NDST1: variants seen among roughly 807,000 people sequenced by gnomAD.
The protein encoded by NDST1 is N-deacetylase and N-sulfotransferase 1.
A neutral mutation model predicts 92.8 loss-of-function variants in NDST1; 35 were observed. The ratio of observed to expected loss-of-function variants is 0.38; its 90% confidence interval spans 0.29 to 0.50. The LOEUF (loss-of-function observed/expected upper bound fraction) is 0.50. NDST1 is among the 20% of genes least tolerant of loss of function. NDST1 has a pLI of 0.94. For synonymous variants in NDST1, 493 were observed against 500.3 expected (o/e 0.99, Z 0.19); for missense variants, 822 against 1,182.7 (o/e 0.69, Z 4.47).
rs1459633179 is a variant in NDST1 at position 150,552,006 on chromosome 5, G to A, written c.2529+151G>A. On this transcript the variant is annotated intron_variant, in intron 14 of 14. Coordinates refer to ENST00000261797, the MANE Select transcript of NDST1 (RefSeq NM_001543.5). Reference sequence around the variant, plus strand: ...AGTATTTGTAAGAGGAGGAAAATGGGGGCTGGGACATGGTGGGTCAGACCT... The same window carrying A: ...AGTATTTGTAAGAGGAGGAAAATGGAGGCTGGGACATGGTGGGTCAGACCT... 4 of 1,328,608 alleles carry A rather than the reference G, an allele frequency of 3.0e-6. No individual in the cohort carries two copies. The East Asian group carries it at 1.1e-4, about 37-fold the overall frequency. The allele number at this position is 1,328,608 out of a possible 1,614,324, so 82.3% of individuals were successfully genotyped here. A position where few individuals can be genotyped will look rare whatever the true frequency, so the allele number is the denominator to read the frequency against.
upstream of NDST1, among the ~76,000 whole-genome samples, chr5:150,505,054 G>A (rs1364923013): frequency 6.6e-6 from 1 of 152,184 alleles, no homozygotes; most frequent in Admixed American, 6.5e-5. Flanking sequence ...CTTTAATAAA[G>A]TTGGCATGTG....
upstream of NDST1, among the ~76,000 whole-genome samples, chr5:150,506,228 A>T (rs1038211447): frequency 6.6e-6 from 1 of 152,196 alleles, no homozygotes; most frequent in African/African-American, 2.4e-5. Flanking sequence ...CTCGCACCTC[A>T]GCCCTCCCAT....
intron 10 of NDST1, among the ~76,000 whole-genome samples, chr5:150,544,373 A>G (rs992764963): frequency 2.0e-5 from 3 of 152,220 alleles, no homozygotes; most frequent in Non-Finnish European, 2.9e-5. Context: ...AGCTTTCTCA[A>G]TTGAGATATT....
chr5:150,513,720 G>A (rs1388916611), intron 1 of NDST1, among the ~76,000 whole-genome samples: 3 of 152,160 alleles, frequency 2.0e-5, no homozygotes, highest in Non-Finnish European at 4.4e-5. Context: ...CTCATTCCTG[G>A]AGCCCACCCA....
intron 1 of NDST1, among the ~76,000 whole-genome samples, chr5:150,500,435 A>G (rs960864347): frequency 6.6e-6 from 1 of 152,162 alleles, no homozygotes; most frequent in African/African-American, 2.4e-5. Context: ...CCCCTGTGCC[A>G]ATGTTCTGGG....
rs1323394561 is a variant in NDST1 at position 150,555,927 on chromosome 5, T to A, written c.*2595T>A. On this transcript the variant is annotated 3_prime_UTR_variant, in exon 15 of 15. Coordinates refer to ENST00000261797, the MANE Select transcript of NDST1 (RefSeq NM_001543.5). ...CAAGTCTGTCTGCCTAGGTCACTGC[T>A]GCCACTTCTCCTCCCACTAACAGAC... 6.6e-6 allele frequency: 1 copy of A among 152,398 alleles called. No homozygotes were observed. Among genetic ancestry groups the A allele is most frequent in the Non-Finnish European group, 1.5e-5 (1 of 68,188 alleles). 9.4% of individuals were successfully genotyped at this position (152,398 alleles called of 1,614,324 possible). A position where few individuals can be genotyped will look rare whatever the true frequency, so the allele number is the denominator to read the frequency against.
chr5:150,516,978 TG>T (rs1165246964), intron 1 of NDST1, among the ~76,000 whole-genome samples: 44 of 35,020 alleles, frequency 1.3e-3, no homozygotes, highest in Non-Finnish European at 2.8e-3. Context: ...CATTTTCTAG[TG>T]TGTGTGTGTG....
At chr5:150,525,371 C>G (rs920933510) in intron 2 of NDST1, among the ~76,000 whole-genome samples, 1 of 152,214 alleles carries the variant, frequency 6.6e-6, no homozygotes, top group Admixed American at 6.5e-5. Context: ...GATCCCTCAG[C>G]ACCCGCGGTC....
chr5:150,505,208 T>C (rs1207132935), upstream of NDST1, among the ~76,000 whole-genome samples: 1 of 152,228 alleles, frequency 6.6e-6, no homozygotes, highest in East Asian at 1.9e-4. Flanking sequence ...CTGGTTCATC[T>C]GTGGAATGCT....
intron 1 of NDST1, among the ~76,000 whole-genome samples, chr5:150,514,670 A>G (rs1053512416): frequency 2.0e-5 from 3 of 152,108 alleles, no homozygotes; most frequent in African/African-American, 7.2e-5. Flanking sequence ...TATTGTAGGA[A>G]CCCTTGGGTT....
At chr5:150,532,256 TCTTA>T (rs1754777958) in intron 3 of NDST1, among the ~76,000 whole-genome samples, 1 of 152,226 alleles carries the variant, frequency 6.6e-6, no homozygotes, top group Non-Finnish European at 1.5e-5. Context: ...CATGCGGTTA[TCTTA>T]CTTGATTCTT....
At chr5:150,536,519 AT>A (rs376383456) in intron 6 of NDST1, among the ~76,000 whole-genome samples, 8 of 147,970 alleles carry the variant, frequency 5.4e-5, no homozygotes, top group African/African-American at 1.3e-4. Context: ...AAAAAAAAAA[AT>A]TTTTTTTTCC....
chr5:150,538,976 A>G lies in NDST1; in HGVS notation c.1438-252A>G, dbSNP rs543710100. 5.9e-5 allele frequency among the ~76,000 whole-genome samples: 9 copies of G among 152,366 alleles called. No homozygotes were observed. The South Asian group carries it at 1.7e-3, about 28-fold the overall frequency. ...GCAGCAGTCCCAAGTTTCCAGAAAC[A>G]TTCCCACTCTGTTACTTTGAGGCCT... is the stretch of plus-strand genomic sequence containing the variant. On this transcript the variant is annotated intron_variant, in intron 6 of 14. Coordinates refer to ENST00000261797, the MANE Select transcript of NDST1 (RefSeq NM_001543.5).
chr5:150,503,981 C>G (rs1310526579), upstream of NDST1, among the ~76,000 whole-genome samples: 1 of 152,164 alleles, frequency 6.6e-6, no homozygotes, highest in Admixed American at 6.5e-5. Context: ...CCTGGAGTGG[C>G]AGTCCACTGG....
chr5:150,506,003 A>G (rs926984420), upstream of NDST1, among the ~76,000 whole-genome samples: 2 of 152,108 alleles, frequency 1.3e-5, no homozygotes, highest in Non-Finnish European at 2.9e-5. Context: ...TACTTGCCTG[A>G]GGTCACAGGC....
At chr5:150,510,103 G>C (rs1753652748) in intron 1 of NDST1, among the ~76,000 whole-genome samples, 1 of 152,198 alleles carries the variant, frequency 6.6e-6, no homozygotes, top group Non-Finnish European at 1.5e-5. Context: ...CCTCTGCCCA[G>C]CTGTGTGACT....
chr5:150,506,761 G>T (rs986641813), upstream of NDST1, among the ~76,000 whole-genome samples: 1 of 151,930 alleles, frequency 6.6e-6, no homozygotes, highest in Non-Finnish European at 1.5e-5. Context: ...ACCCCAAGGC[G>T]TGTTGGTGGC....
In NDST1 at chr5:150,534,907, G is replaced by A. The variant is rs560999923; in HGVS notation, c.1137G>A (p.Ser379=). The change falls in exon 5 of 15, where the codon TCG becomes TCA. Residue 379 remains serine, a synonymous_variant. Coordinates refer to ENST00000261797, the MANE Select transcript of NDST1 (RefSeq NM_001543.5). The stretch of plus-strand genomic sequence containing the variant: ...ACGCTGGGGATGATCTGCTGCTGTC[G>A]TATGTGAAGGAGTTCTGGTGGTTCC... ...AEDAGDDLLL[S]YVKEFWWFPH... is the part of the protein sequence containing the mutation. 2.5e-5 allele frequency: 41 copies of A among 1,614,262 alleles called. No individual in the cohort carries two copies. The highest frequency in any genetic ancestry group is 1.1e-4 in the East Asian group (5 of 44,884).
At chr5:150,544,386 A>G (rs1755388549) in intron 10 of NDST1, among the ~76,000 whole-genome samples, 1 of 152,244 alleles carries the variant, frequency 6.6e-6, no homozygotes. Context: ...GAGATATTGT[A>G]AACAAAGGAT....
Sources: gnomAD v4.1 joint callset for allele counts (sites outside exome capture counted in the v4.1 genomes callset) on GRCh38, gnomAD v4.1.1 for gene constraint, MANE v1.5 for transcripts, NCBI Gene and HGNC (gene_info 2026-07-23, HGNC 2026-07-21) for gene names.